Variants in EML5 observed in about 807,000 individuals in gnomAD.
EML5 encodes the protein echinoderm microtubule-associated protein-like 5.
EML5 carries 120 observed loss-of-function variants against 250.0 expected under a neutral mutation model. The ratio of observed to expected loss-of-function variants is 0.48; its 90% CI spans 0.41 to 0.56. EML5 has a LOEUF of 0.56. Ranked by LOEUF, EML5 falls within the 20% of genes least tolerant of loss-of-function variation. EML5 has a pLI of 0.00. For missense variants in EML5, 2,006 were observed against 2,437.6 expected (o/e 0.82, Z 3.73); for synonymous variants, 771 against 806.5 (o/e 0.96, Z 0.75).
At chr14:88,684,059 C>CCTAAATAA (rs1300933508) in intron 20 of EML5, among the ~76,000 whole-genome samples, 1 of 151,356 alleles carries the variant, frequency 6.6e-6, no homozygotes, top group Non-Finnish European at 1.5e-5. Flanking sequence ...CACAGAAAAC[C>CCTAAATAA]CTAAATAATC....
At position 88,612,520 on chromosome 14, in the gene EML5, C is replaced by G. The variant is rs921347544; in HGVS notation, c.*3298G>C. 1.3e-5 allele frequency: 2 copies of G among 152,368 alleles called. No individual in the cohort carries two copies. Among genetic ancestry groups the G allele is most frequent in the African/African-American group, 4.8e-5 (2 of 41,422 alleles). The allele number at this position is 152,368 out of a possible 1,614,324, so 9.4% of individuals were successfully genotyped here. ...TCACAAAATTATACAAATTTTTTTACAAGTATTTACATACTGTATCTGAAA... is the reference window on the plus strand; with the variant it reads ...TCACAAAATTATACAAATTTTTTTAGAAGTATTTACATACTGTATCTGAAA... On this transcript the variant is annotated 3_prime_UTR_variant, in exon 44 of 44. Coordinates refer to ENST00000554922, the MANE Select transcript of EML5 (RefSeq NM_183387.3).
At chr14:88,748,900 A>G (rs1272408003) in intron 2 of EML5, among the ~76,000 whole-genome samples, 1 of 152,072 alleles carries the variant, frequency 6.6e-6, no homozygotes, top group Non-Finnish European at 1.5e-5. Flanking sequence ...AGAAAAAGAA[A>G]AAAAGAATTG....
At chr14:88,689,120 T>C (rs1179614163) in intron 17 of EML5, among the ~76,000 whole-genome samples, 3 of 152,206 alleles carry the variant, frequency 2.0e-5, no homozygotes, top group African/African-American at 7.2e-5. Context: ...CTTATCCATT[T>C]TCCTATTAAT....
chr14:88,665,056 G>A lies in EML5; in HGVS notation c.3277+281C>T, dbSNP rs979303787. 5.9e-5 allele frequency among the ~76,000 whole-genome samples: 9 copies of A among 152,180 alleles called. No homozygotes were observed. In the East Asian group the frequency reaches 1.4e-3, roughly 23 times the overall value. The stretch of plus-strand genomic sequence containing the variant: ...ATTTCAAAAGCATTAAGAATATAAC[G>A]AAAACAGTTATCCAACCCCTTTTAT... On this transcript the variant is annotated intron_variant, in intron 22 of 43. Transcript: ENST00000554922.
rs1435374849 is a variant in EML5 at position 88,731,896 on chromosome 14, T to G, written c.1049+4468A>C. Among the ~76,000 whole-genome samples, 6 of 152,296 alleles carry G rather than the reference T, an allele frequency of 3.9e-5. No homozygotes were observed. In the South Asian group the frequency reaches 6.2e-4, roughly 16 times the overall value. On this transcript the variant is annotated intron_variant, in intron 7 of 43. Transcript: ENST00000554922. ...TGAGAAGTGTCTGTTCATATCCTTT[T>G]CCCACTTCTTGATGGGGTTGTTTTT...
intron 24 of EML5, 94 bp from the exon 25 acceptor site, chr14:88,661,924 T>C: frequency 8.8e-7 from 1 of 1,130,586 alleles, no homozygotes; most frequent in African/African-American, 1.6e-5. Context: ...GTTATGTGTG[T>C]CACAAGTAAA....
chr14:88,712,391 G>A lies in EML5; in HGVS notation c.1537C>T (p.Pro513Ser). ...VSGLEVNGIW[P>S]KYSDINDINS... is the part of the protein sequence containing the mutation. ...ATATCGTTGATATCTGAATACTTGG[G>A]CCAAATTCCATTTACTTCAAGGCCT... The change falls in exon 10 of 44, where the codon CCC becomes TCC. Residue 513 changes from proline (P) to serine (S), a missense_variant. By Grantham distance (74) the Pro-to-Ser change is moderately conservative. Transcript: ENST00000554922. 6.2e-7 allele frequency: 1 copy of A among 1,613,452 alleles called. No homozygotes were observed. The highest frequency in any genetic ancestry group is 1.1e-5 in the South Asian group (1 of 91,054).
At position 88,615,616 on chromosome 14, in the gene EML5, C is replaced by A; in HGVS notation, c.*202G>T. ...CCTTCCTTGAAATGGCATTATCTGG[C>A]AGTGTATGGATTACGGATTATACCC... is the stretch of plus-strand genomic sequence containing the variant. On this transcript the variant is annotated 3_prime_UTR_variant, in exon 44 of 44. Transcript: ENST00000554922. 1 of 517,790 alleles carries A rather than the reference C, an allele frequency of 1.9e-6. No individual in the cohort carries two copies. The highest frequency in any genetic ancestry group is 3.4e-6 in the Non-Finnish European group (1 of 295,838). 32.1% of individuals were successfully genotyped at this position (517,790 alleles called of 1,614,324 possible).
At chr14:88,785,311 A>C (rs1322557454) in intron 1 of EML5, among the ~76,000 whole-genome samples, 5 of 152,178 alleles carry the variant, frequency 3.3e-5, no homozygotes, top group Non-Finnish European at 7.4e-5. Flanking sequence ...TTAATTGTAC[A>C]TTTTAGAATA....
In EML5 at chr14:88,700,224, G is replaced by A. The variant is rs115903289; in HGVS notation, c.2238+2222C>T. Among the ~76,000 whole-genome samples, 545 of 152,198 alleles carry A rather than the reference G, an allele frequency of 3.6e-3. 4 individuals carry two copies. Among genetic ancestry groups the A allele is most frequent in the African/African-American group, 0.012 (502 of 41,510 alleles). On this transcript the variant is annotated intron_variant, in intron 14 of 43. Transcript: ENST00000554922. ...TCTTTCATTTCCACTTAAGATCACA[G>A]TTACTGACAAGAGGTTATTCTTTGT... is the stretch of plus-strand genomic sequence containing the variant.
intron 11 of EML5, 73 bp from the exon 12 acceptor site, chr14:88,705,661 G>A (rs2093304068): frequency 1.9e-6 from 2 of 1,080,202 alleles, no homozygotes; most frequent in Non-Finnish European, 2.7e-6. Flanking sequence ...AAAAATTAAT[G>A]ATTAAGAGCT....
In EML5 at chr14:88,736,408, A is replaced by G; in HGVS notation, c.1005T>C (p.Pro335=). The change falls in exon 7 of 44, where the codon CCT becomes CCC. Residue 335 remains proline, a synonymous_variant. Coordinates refer to ENST00000554922, the MANE Select transcript of EML5 (RefSeq NM_183387.3). ...EGELWALAVH[P]TKPLAVTGSD... ...TTCCAGTCACAGCCAAAGGTTTAGT[A>G]GGATGGACAGCAAGTGCCCAAAGTT... 2 of 1,614,034 alleles carry G rather than the reference A, an allele frequency of 1.2e-6. No individual in the cohort carries two copies. Among genetic ancestry groups the G allele is most frequent in the Non-Finnish European group, 1.7e-6 (2 of 1,179,894 alleles).
chr14:88,754,711 T>C (rs1375434487), intron 1 of EML5, 40 bp from the exon 2 acceptor site: 5 of 1,519,940 alleles, frequency 3.3e-6, no homozygotes, highest in Middle Eastern at 3.4e-4. Flanking sequence ...TTATTAAAAA[T>C]TGCTTATACA....
At chr14:88,626,734 A>G in intron 35 of EML5, 104 bp downstream of exon 35, 1 of 1,113,666 alleles carries the variant, frequency 9.0e-7, no homozygotes, top group Non-Finnish European at 1.3e-6. Context: ...TGTAATGATT[A>G]GCAGATCACA....
intron 27 of EML5, among the ~76,000 whole-genome samples, chr14:88,651,491 A>G (rs951997596): frequency 1.3e-5 from 2 of 152,018 alleles, no homozygotes; most frequent in Non-Finnish European, 2.9e-5. Flanking sequence ...AATGAAGCAG[A>G]CTACAGATTA....
rs761263649 is a variant in EML5, at chr14:88,658,379, C to T, written c.3685G>A (p.Gly1229Arg). The T allele has an allele frequency of 8.8e-6, 14 of 1,594,182 alleles. No individual in the cohort carries two copies. Among genetic ancestry groups the T allele is most frequent in the African/African-American group, 1.3e-5 (1 of 74,546 alleles). The change falls in exon 26 of 44, where the codon GGA becomes AGA. Residue 1229 changes from glycine to arginine, a missense_variant. By Grantham distance (125) the Gly-to-Arg change is moderately radical (BLOSUM62 -2). Coordinates refer to ENST00000554922, the MANE Select transcript of EML5 (RefSeq NM_183387.3). Reference protein sequence around the residue: ...LFRYPTKGKFGKFKRYVAHST... With the variant: ...LFRYPTKGKFRKFKRYVAHST... ...TGGGCCACATACCTCTTAAACTTTC[C>T]AAATTTCCCCTAAAGAGGAAGAAAA... is the stretch of plus-strand genomic sequence containing the variant.
intron 21 of EML5, among the ~76,000 whole-genome samples, chr14:88,674,536 A>G (rs967808759): frequency 4.6e-5 from 7 of 152,132 alleles, no homozygotes; most frequent in Non-Finnish European, 1.0e-4. Context: ...CGCCCCCATG[A>G]TTCAATTACC....
chr14:88,636,536 C>T (rs554908439), intron 32 of EML5, among the ~76,000 whole-genome samples: 8 of 152,248 alleles, frequency 5.3e-5, no homozygotes, highest in Non-Finnish European at 1.0e-4. Context: ...TGGCGTGCAC[C>T]TGTAGTCCCA....
chr14:88,640,667 A>G (rs1471161130), intron 31 of EML5, among the ~76,000 whole-genome samples: 30 of 152,286 alleles, frequency 2.0e-4, no homozygotes, highest in Non-Finnish European at 2.5e-4. Flanking sequence ...TACAAGAACA[A>G]AGTAACCCCA....
Sources: allele counts gnomAD v4.1 joint callset (sites outside exome capture counted in the v4.1 genomes callset), GRCh38; gene constraint gnomAD v4.1.1; transcripts MANE v1.5; gene names NCBI Gene and HGNC (gene_info 2026-07-23, HGNC 2026-07-21).